CCNJL: variants seen among roughly 807,000 people sequenced by gnomAD.
CCNJL encodes the protein cyclin-J-like protein.
A neutral mutation model predicts 33.4 loss-of-function variants in CCNJL; 33 were observed. The ratio of observed to expected loss-of-function variants is 0.99; its 90% CI spans 0.75 to 1.32. CCNJL has a LOEUF of 1.32. CCNJL is among the 40% of genes most tolerant of loss of function. The pLI, the probability that CCNJL is intolerant of heterozygous loss-of-function variation, is 0.00. For missense variants in CCNJL, 512 were observed against 499.7 expected (o/e 1.02, Z -0.23); for synonymous variants, 227 against 220.9 (o/e 1.03, Z -0.24).
intron 3 of CCNJL, among the ~76,000 whole-genome samples, chr5:160,275,186 G>A (rs1251705654): frequency 6.6e-6 from 1 of 151,274 alleles, no homozygotes; most frequent in Non-Finnish European, 1.5e-5. Context: ...CCGGGTTCAA[G>A]CAATTCTTCC....
rs959148944 is a variant in CCNJL at position 160,297,666 on chromosome 5, A to C, written c.66+14192T>G. Among the ~76,000 whole-genome samples the C allele has an allele frequency of 2.8e-4, 42 of 152,146 alleles. No individual in the cohort carries two copies. In the South Asian group the frequency reaches 5.4e-3, roughly 20 times the overall value. On this transcript the variant is annotated intron_variant, in intron 2 of 5. Transcript: ENST00000257536. ...TCGTCTCTATTTACAAAAAAAAAAA[A>C]AAAAAACAAAACACCGGAGAAATAA...
At chr5:160,293,293 C>T (rs1020899274) in intron 2 of CCNJL, among the ~76,000 whole-genome samples, 4 of 152,090 alleles carry the variant, frequency 2.6e-5, no homozygotes, top group East Asian at 1.9e-4. Context: ...TGGTGGTGCA[C>T]GCCTGTAACC....
intron 3 of CCNJL, among the ~76,000 whole-genome samples, chr5:160,273,297 G>A (rs906352398): frequency 7.2e-5 from 11 of 152,102 alleles, no homozygotes; most frequent in African/African-American, 2.4e-4. Context: ...CATTAATATT[G>A]AACTCATGGC....
At position 160,253,534 on chromosome 5, in the gene CCNJL, C is replaced by T. The variant is rs373648473; in HGVS notation, c.1008G>A (p.Pro336=). ...CGGGACACATATCCAAGGGCTGCAG[C>T]GGTTGGTACGGGGTGTGGAGGGATG... ...TGSSLHTPYQ[P]LQPLDMCPVP... The change falls in exon 6 of 6, where the codon CCG becomes CCA. Residue 336 remains proline, a synonymous_variant. Coordinates refer to ENST00000257536, the MANE Select transcript of CCNJL (RefSeq NM_001308173.3). 1.1e-5 allele frequency: 18 copies of T among 1,614,026 alleles called. No homozygotes were observed. Among genetic ancestry groups the T allele is most frequent in the African/African-American group, 1.3e-5 (1 of 74,918 alleles).
At position 160,253,509 on chromosome 5, in the gene CCNJL, C is replaced by A. The variant is rs199879462; in HGVS notation, c.1033G>T (p.Val345Leu). Reference sequence around the variant, plus strand: ...ATGCTAAGGGATGCAGGGACGGGCACGGGACACATATCCAAGGGCTGCAGC... The same window carrying A: ...ATGCTAAGGGATGCAGGGACGGGCAAGGGACACATATCCAAGGGCTGCAGC... ...QPLQPLDMCP[V>L]PVPASLSMHM... The change falls in exon 6 of 6, where the codon GTG becomes TTG. Residue 345 changes from valine to leucine, a missense_variant. By Grantham distance (32) the Val-to-Leu change is conservative (BLOSUM62 1). Coordinates refer to ENST00000257536, the MANE Select transcript of CCNJL (RefSeq NM_001308173.3). 6.2e-7 allele frequency: 1 copy of A among 1,614,144 alleles called. No homozygotes were observed. The highest frequency in any genetic ancestry group is 8.5e-7 in the Non-Finnish European group (1 of 1,180,024).
intron 4 of CCNJL, chr5:160,258,230 A>T: frequency 3.3e-6 from 2 of 611,142 alleles, no homozygotes; most frequent in Non-Finnish European, 5.9e-6. Context: ...TTTTTTTTTT[A>T]AGACCGAGTC....
Position 160,250,977 on chromosome 5 carries a change from C to T in CCNJL, c.*2401G>A, listed in dbSNP as rs759060440. The T allele has an allele frequency of 5.9e-5, 9 of 152,176 alleles. No homozygotes were observed. Among genetic ancestry groups the T allele is most frequent in the Non-Finnish European group, 1.0e-4 (7 of 68,048 alleles). 9.4% of individuals were successfully genotyped at this position (152,176 alleles called of 1,614,324 possible). ...CTCAGAGAGAGGTTGGGTCAACTGC[C>T]TTCCAACAGCTGGTAAGTGGTGTGA... On this transcript the variant is annotated 3_prime_UTR_variant, in exon 6 of 6. Coordinates refer to ENST00000257536, the MANE Select transcript of CCNJL (RefSeq NM_001308173.3).
At chr5:160,258,008 G>A (rs147806532) in intron 4 of CCNJL, among the ~76,000 whole-genome samples, 1,804 of 151,922 alleles carry the variant, frequency 0.012, 32 homozygotes, top group African/African-American at 0.041. Flanking sequence ...CACCACACCT[G>A]GCTAATTTTT....
At chr5:160,333,825 C>T (rs1395191922) in intron 1 of CCNJL, among the ~76,000 whole-genome samples, 1 of 152,156 alleles carries the variant, frequency 6.6e-6, no homozygotes, top group Admixed American at 6.5e-5. Context: ...CCCCTGTATC[C>T]TGTGGACCCC....
intron 1 of CCNJL, 105 bp from the exon 2 acceptor site, chr5:160,312,077 C>G (rs1763282669): frequency 8.6e-6 from 6 of 699,838 alleles, no homozygotes; most frequent in Non-Finnish European, 1.2e-5. Flanking sequence ...GCGGGCGCCC[C>G]CTCCTGCGCC....
chr5:160,317,404 A>T (rs979309304), upstream of CCNJL, among the ~76,000 whole-genome samples: 1 of 152,224 alleles, frequency 6.6e-6, no homozygotes, highest in Non-Finnish European at 1.5e-5. Context: ...AGCTCCATCC[A>T]TATAGAAAAT....
At chr5:160,287,801 G>GGCCAGGCAGGGTGACCTTCCCCTCAGCAT (rs2113378560) in intron 2 of CCNJL, among the ~76,000 whole-genome samples, 1 of 152,210 alleles carries the variant, frequency 6.6e-6, no homozygotes, top group Non-Finnish European at 1.5e-5. Context: ...GCAGGAACCT[G>GGCCAGGCAGGGTGACCTTCCCCTCAGCAT]GCCAGGCAGG....
At chr5:160,321,180 G>C (rs1418745776) in intron 1 of CCNJL, among the ~76,000 whole-genome samples, 12 of 151,630 alleles carry the variant, frequency 7.9e-5, no homozygotes, top group Admixed American at 5.9e-4. Context: ...GTAGGTGTGT[G>C]ATAGGAGCCC....
chr5:160,315,471 C>A (rs767542643), upstream of CCNJL: 3 of 444,916 alleles, frequency 6.7e-6, no homozygotes. Context: ...TGTGCCACTG[C>A]ACTCCAGCCT....
chr5:160,302,827 AT>A lies in CCNJL; in HGVS notation c.66+9030del, dbSNP rs1001054202. The stretch of plus-strand genomic sequence containing the variant: ...ACTCTGTCTCAATAAAAAAAAAAAA[AT>A]AATAATAATAAAATAAAATAAACAT... On this transcript the variant is annotated intron_variant, in intron 2 of 5. Transcript: ENST00000257536. 2.0e-4 allele frequency among the ~76,000 whole-genome samples: 30 copies of A among 150,186 alleles called. No homozygotes were observed. The South Asian group carries it at 4.2e-3, about 21-fold the overall frequency.
Position 160,332,797 on chromosome 5 carries a change from T to C in CCNJL, n.206+6648A>G, listed in dbSNP as rs115467378. ...CATATGTCTTCTCTGCTTTTTTTTT[T>C]CTCCTAGTCCTTAGCACTATCTAAT... On this transcript the variant is annotated intron_variant and non_coding_transcript_variant, in intron 1 of 7. Coordinates refer to the CCNJL transcript ENST00000377503. Among the ~76,000 whole-genome samples, 1,144 of 152,320 alleles carry C rather than the reference T, an allele frequency of 7.5e-3. 15 individuals are homozygous for C. Among genetic ancestry groups the C allele is most frequent in the African/African-American group, 0.026 (1,062 of 41,568 alleles).
chr5:160,259,033 G>C (rs561968308), intron 4 of CCNJL, among the ~76,000 whole-genome samples: 114 of 150,752 alleles, frequency 7.6e-4, no homozygotes, highest in African/African-American at 2.7e-3. Flanking sequence ...TAAAACACTG[G>C]GAAGACTGAG....
At chr5:160,333,429 A>T (rs1470173999) in intron 1 of CCNJL, among the ~76,000 whole-genome samples, 3 of 151,636 alleles carry the variant, frequency 2.0e-5, no homozygotes, top group Non-Finnish European at 4.4e-5. Flanking sequence ...CAGCCCAAAA[A>T]TTTTTTTAAA....
intron 3 of CCNJL, among the ~76,000 whole-genome samples, chr5:160,279,476 C>T (rs1762132278): frequency 6.6e-6 from 1 of 152,186 alleles, no homozygotes; most frequent in African/African-American, 2.4e-5. Context: ...TTTTTGAGGT[C>T]TTACTATGTG....
Sources: gnomAD v4.1 joint callset for allele counts (sites outside exome capture counted in the v4.1 genomes callset) on GRCh38, gnomAD v4.1.1 for gene constraint, MANE v1.5 for transcripts, NCBI Gene and HGNC (gene_info 2026-07-23, HGNC 2026-07-21) for gene names.